The following TXLNB variants were observed in gnomAD, a reference collection of about 807,000 sequenced individuals.
TXLNB encodes taxilin beta.
TXLNB carries 37 observed loss-of-function variants against 57.4 expected under a neutral mutation model. The ratio of observed to expected loss-of-function variants is 0.64; its 90% CI spans 0.50 to 0.85. TXLNB has a LOEUF of 0.85. TXLNB is among the 40% of genes least tolerant of loss of function. The pLI is 0.00. For missense variants in TXLNB, 848 were observed against 825.6 expected (o/e 1.03, Z -0.33); for synonymous variants, 302 against 309.6 (o/e 0.98, Z 0.26).
At chr6:139,322,717 C>T in the TXLNB span, among the ~76,000 whole-genome samples, 5 of 152,304 alleles carry the variant, frequency 3.3e-5, no homozygotes, top group African/African-American at 7.2e-5. Flanking sequence ...ACTGCCTTCC[C>T]GGCCACTCCC....
the TXLNB span, chr6:139,169,476 G>A: frequency 6.6e-6 from 1 of 152,178 alleles, no homozygotes; most frequent in Non-Finnish European, 1.5e-5. Flanking sequence ...TTGTGAGCAA[G>A]GAAAGGGAGC....
At chr6:139,248,387 T>C (rs7765465) in intron 7 of TXLNB, among the ~76,000 whole-genome samples, 56,723 of 151,568 alleles carry the variant, frequency 0.37, 12,997 homozygotes, top group African/African-American at 0.65. Flanking sequence ...TCCCAGCTAC[T>C]TGGGATGCTG....
chr6:139,290,070 G>A, intron 1 of TXLNB, among the ~76,000 whole-genome samples: 1 of 152,102 alleles, frequency 6.6e-6, no homozygotes, highest in Non-Finnish European at 1.5e-5. Context: ...ATGAGGGAAG[G>A]TATAAATAAA....
At chr6:139,206,361 G>C in the TXLNB span, among the ~76,000 whole-genome samples, 1 of 152,234 alleles carries the variant, frequency 6.6e-6, no homozygotes, top group Admixed American at 6.5e-5. Context: ...TGACCTAAAT[G>C]CTCCACCTAA....
At chr6:139,255,659 T>C (rs778485475) in intron 6 of TXLNB, 21 bp from the exon 7 acceptor site, 13 of 1,601,890 alleles carry the variant, frequency 8.1e-6, no homozygotes, top group Non-Finnish European at 1.1e-5. Flanking sequence ...AGAGAGTGTG[T>C]GGAAAGATGG....
chr6:139,167,242 G>A, the TXLNB span: 42 of 1,613,986 alleles, frequency 2.6e-5, 1 homozygote, highest in South Asian at 4.5e-4. Flanking sequence ...TGTTCGAACA[G>A]TTCCCACTGG....
chr6:139,243,287 A>C lies in TXLNB; in HGVS notation c.1294T>G (p.Cys432Gly). Residue 432 changes from cysteine (C) to glycine (G), a missense_variant, in exon 10 of 10, where the codon TGC becomes GGC. Physicochemically the swap from Cys to Gly is radical, Grantham distance 159. Transcript: ENST00000358430. ...EKALRAKEYE[C>G]FVMKIGRLEN... ...AGCCTCCCGATTTTCATCACAAAGC[A>C]CTCATATTCTTTAGCTCTCAGTGCT... 6.2e-7 allele frequency: 1 copy of C among 1,611,702 alleles called. No homozygotes were observed. The highest frequency in any genetic ancestry group is 8.5e-7 in the Non-Finnish European group (1 of 1,179,896).
At chr6:139,174,586 T>C in the TXLNB span, 1 of 1,587,560 alleles carries the variant, frequency 6.3e-7, no homozygotes, top group Non-Finnish European at 8.6e-7. Context: ...ATTAGGCTTC[T>C]GTCCCCAAGT....
At chr6:139,195,561 A>T in the TXLNB span, among the ~76,000 whole-genome samples, 2 of 152,224 alleles carry the variant, frequency 1.3e-5, no homozygotes, top group Non-Finnish European at 2.9e-5. Flanking sequence ...ATGGTGAAAA[A>T]TTTCAAAAGA....
intron 1 of TXLNB, among the ~76,000 whole-genome samples, chr6:139,291,602 A>C (rs1378504821): frequency 6.6e-6 from 1 of 152,216 alleles, no homozygotes; most frequent in Non-Finnish European, 1.5e-5. Context: ...GAGGGAAAAA[A>C]ACAAAGTCAG....
chr6:139,268,109 C>T (rs554872378), intron 4 of TXLNB, among the ~76,000 whole-genome samples: 92 of 147,684 alleles, frequency 6.2e-4, no homozygotes, highest in African/African-American at 2.1e-3. Flanking sequence ...GAGATTGCAC[C>T]ACCGCACTCC....
At chr6:139,195,048 G>T in the TXLNB span, among the ~76,000 whole-genome samples, 1 of 152,196 alleles carries the variant, frequency 6.6e-6, no homozygotes, top group African/African-American at 2.4e-5. Flanking sequence ...AAATCACAGC[G>T]TTAGCTGGGC....
chr6:139,208,861 T>C, the TXLNB span, among the ~76,000 whole-genome samples: 1 of 152,138 alleles, frequency 6.6e-6, no homozygotes, highest in Non-Finnish European at 1.5e-5. Context: ...TTGAAAGCAT[T>C]CCCCTTGAGA....
At chr6:139,301,469 T>C in the TXLNB span, among the ~76,000 whole-genome samples, 1 of 152,172 alleles carries the variant, frequency 6.6e-6, no homozygotes, top group Admixed American at 6.5e-5. Context: ...CAAAGCTACC[T>C]TCCTATGAAG....
At chr6:139,316,872 C>G in the TXLNB span, among the ~76,000 whole-genome samples, 1 of 152,092 alleles carries the variant, frequency 6.6e-6, no homozygotes, top group Non-Finnish European at 1.5e-5. Context: ...AAGGAAAGGC[C>G]TAGAACAGTT....
In TXLNB at chr6:139,288,413, A is replaced by G. The variant is rs1043519041; in HGVS notation, c.424+63T>C. ...GATGTGGCTTTTAGTGAAGTTTGGA[A>G]GAAGTGCCCCTTTTTTAGGAATACC... On this transcript the variant is annotated intron_variant, in intron 2 of 9. Coordinates refer to ENST00000358430, the MANE Select transcript of TXLNB (RefSeq NM_153235.4). 20 of 1,470,136 alleles carry G rather than the reference A, an allele frequency of 1.4e-5. No individual in the cohort carries two copies. The Middle Eastern group carries it at 7.2e-4, about 53-fold the overall frequency. The allele number at this position is 1,470,136 out of a possible 1,614,324, so 91.1% of individuals were successfully genotyped here.
chr6:139,191,617 C>G, the TXLNB span, among the ~76,000 whole-genome samples: 2 of 152,226 alleles, frequency 1.3e-5, no homozygotes, highest in South Asian at 2.1e-4. Flanking sequence ...CTGTGAAAAC[C>G]TTAATGAGTG....
At position 139,242,762 on chromosome 6, in the gene TXLNB, C is replaced by G; in HGVS notation, c.1819G>C (p.Glu607Gln). 1 of 1,614,166 alleles carries G rather than the reference C, an allele frequency of 6.2e-7. No individual in the cohort carries two copies. The highest frequency in any genetic ancestry group is 8.5e-7 in the Non-Finnish European group (1 of 1,180,006). ...GGGGCCTGACCGGAAGCTTCTGCCT[C>G]TGGCTTCCAGGACGCCTGATCAGCC... is the stretch of plus-strand genomic sequence containing the variant. Reference protein sequence around the residue: ...AQADQASWKPEAEASGQAPQA... With the variant: ...AQADQASWKPQAEASGQAPQA... The change falls in exon 10 of 10, where the codon GAG becomes CAG. Residue 607 changes from glutamate (E) to glutamine (Q), a missense_variant. Physicochemically the swap from Glu to Gln is conservative, Grantham distance 29. Transcript: ENST00000358430.
At chr6:139,174,600 T>A in the TXLNB span, 1 of 1,573,414 alleles carries the variant, frequency 6.4e-7, no homozygotes, top group Non-Finnish European at 8.7e-7. Context: ...CCCAAGTGAA[T>A]GTAGGGAAGA....
Sources: gnomAD v4.1 joint callset for allele counts (sites outside exome capture counted in the v4.1 genomes callset) on GRCh38, gnomAD v4.1.1 for gene constraint, MANE v1.5 for transcripts, NCBI Gene and HGNC (gene_info 2026-07-23, HGNC 2026-07-21) for gene names.